ACYP2: variants seen among roughly 807,000 people sequenced by gnomAD.
ACYP2 encodes acylphosphatase 2.
Under a neutral mutation model 11.2 loss-of-function variants are expected in ACYP2, and 12 were observed. The observed-to-expected ratio is 1.08, with a 90% CI of 0.69 to 1.74. The LOEUF (loss-of-function observed/expected upper bound fraction) is 1.74. ACYP2 is among the 40% of genes most tolerant of loss of function. The pLI, the probability that ACYP2 is intolerant of heterozygous loss-of-function variation, is 0.00. For missense variants in ACYP2, 134 were observed against 101.9 expected (o/e 1.31, Z -1.35); for synonymous variants, 43 against 32.2 (o/e 1.33, Z -1.13).
At chr2:54,023,983 A>C (rs1396821061) in intron 2 of ACYP2, among the ~76,000 whole-genome samples, 3 of 152,214 alleles carry the variant, frequency 2.0e-5, no homozygotes, top group Non-Finnish European at 4.4e-5. Context: ...AGGAAAGGAC[A>C]TAACAAAAAA....
At chr2:54,255,953 C>T in intron 6 of ACYP2, 1 of 1,614,166 alleles carries the variant, frequency 6.2e-7, no homozygotes, top group South Asian at 1.1e-5. Flanking sequence ...GTATGGCCAC[C>T]ATCTGCGGGA....
intron 4 of ACYP2, among the ~76,000 whole-genome samples, chr2:54,073,417 A>G (rs887459283): frequency 6.6e-6 from 1 of 152,202 alleles, no homozygotes; most frequent in Non-Finnish European, 1.5e-5. Context: ...CAGAGCTAGA[A>G]GTACAAAACT....
chr2:54,200,187 T>C (rs1028671009), intron 6 of ACYP2, among the ~76,000 whole-genome samples: 2 of 152,212 alleles, frequency 1.3e-5, no homozygotes, highest in Non-Finnish European at 2.9e-5. Context: ...TGTGTGTCCT[T>C]GGGCTAATTA....
intron 4 of ACYP2, among the ~76,000 whole-genome samples, chr2:54,078,684 C>T (rs907894841): frequency 1.3e-5 from 2 of 151,676 alleles, no homozygotes; most frequent in South Asian, 4.2e-4. Context: ...ACTGTAACCT[C>T]CGCCTCCTGG....
chr2:54,088,953 C>G (rs1023512040), intron 4 of ACYP2, among the ~76,000 whole-genome samples: 18 of 152,258 alleles, frequency 1.2e-4, no homozygotes, highest in Admixed American at 7.2e-4. Flanking sequence ...GTTCAACAGA[C>G]AGCTGAAAGA....
rs35918503 is a variant in ACYP2, at chr2:54,097,492, A to G, written c.278-37961A>G. 5.3e-5 allele frequency among the ~76,000 whole-genome samples: 8 copies of G among 152,270 alleles called. 1 individual carries two copies. The highest frequency in any genetic ancestry group is 4.6e-4 in the Admixed American group (7 of 15,292). ...CAGAGGCACCTGGTTACAAAAAATG[A>G]CAATAACAACACAACAACAGTGTAT... On this transcript the variant is annotated intron_variant, in intron 4 of 6. Transcript: ENST00000607452.
intron 6 of ACYP2, among the ~76,000 whole-genome samples, chr2:54,162,743 ATTGT>A (rs943870697): frequency 6.6e-6 from 1 of 152,134 alleles, no homozygotes; most frequent in Admixed American, 6.5e-5. Flanking sequence ...GAGGGGGAAG[ATTGT>A]TTGAGCCCAG....
At chr2:54,011,650 T>C (rs1034063498) in intron 2 of ACYP2, among the ~76,000 whole-genome samples, 4 of 152,354 alleles carry the variant, frequency 2.6e-5, no homozygotes, top group Middle Eastern at 6.8e-3. Context: ...AATAAGCTTT[T>C]CTATTAGAAA....
At chr2:54,146,718 G>C (rs917336253) in intron 6 of ACYP2, among the ~76,000 whole-genome samples, 1 of 150,722 alleles carries the variant, frequency 6.6e-6, no homozygotes, top group Non-Finnish European at 1.5e-5. Flanking sequence ...TCTCATTCTT[G>C]TTGTTGTTTT....
chr2:54,049,430 A>G (rs1414990627), intron 2 of ACYP2, among the ~76,000 whole-genome samples: 1 of 152,128 alleles, frequency 6.6e-6, no homozygotes, highest in African/African-American at 2.4e-5. Flanking sequence ...CCACATGTAA[A>G]TATGCTGTTT....
chr2:54,035,008 T>TCAAAAAAAAAAAAAA (rs1674803288), intron 2 of ACYP2, among the ~76,000 whole-genome samples: 1 of 20,888 alleles, frequency 4.8e-5, no homozygotes, highest in Non-Finnish European at 8.6e-5. Context: ...AGACTACATC[T>TCAAAAAAAAAAAAAA]CAAAAAAAAA....
chr2:54,132,042 A>G (rs933930292), intron 4 of ACYP2, among the ~76,000 whole-genome samples: 6 of 152,176 alleles, frequency 3.9e-5, no homozygotes, highest in Admixed American at 3.9e-4. Flanking sequence ...CATAACGCTA[A>G]TATTCTGGCC....
intron 6 of ACYP2, chr2:54,255,235 T>C (rs1474159457): frequency 1.9e-6 from 3 of 1,614,084 alleles, no homozygotes; most frequent in Non-Finnish European, 2.5e-6. Flanking sequence ...AATCAGCTTG[T>C]TTCTGAAGTA....
chr2:54,080,454 C>G (rs1677584651), intron 4 of ACYP2: 1 of 152,086 alleles, frequency 6.6e-6, no homozygotes, highest in Admixed American at 6.6e-5. Flanking sequence ...TAGAAAGAAT[C>G]CAATGTTGCA....
chr2:54,158,512 G>A (rs1350985686), intron 6 of ACYP2, among the ~76,000 whole-genome samples: 1 of 151,918 alleles, frequency 6.6e-6, no homozygotes, highest in African/African-American at 2.4e-5. Context: ...AGCACGGTCT[G>A]CTTTTGATTA....
rs561868171 is a variant in ACYP2, at chr2:54,158,860, A to G, written c.404+20112A>G. On this transcript the variant is annotated intron_variant, in intron 6 of 6. Transcript: ENST00000607452. ...AAATATTAAGAAATGGAAATTAAATAAAATCACCCATAAACCTACCGTTTG... is the reference window on the plus strand; with the variant it reads ...AAATATTAAGAAATGGAAATTAAATGAAATCACCCATAAACCTACCGTTTG... 1.8e-4 allele frequency among the ~76,000 whole-genome samples: 27 copies of G among 152,336 alleles called. No homozygotes were observed. The South Asian group carries it at 5.6e-3, about 32-fold the overall frequency.
At chr2:54,033,065 G>A (rs965004569) in intron 2 of ACYP2, among the ~76,000 whole-genome samples, 3 of 152,138 alleles carry the variant, frequency 2.0e-5, no homozygotes, top group African/African-American at 7.2e-5. Context: ...AAAGCCCAAG[G>A]CAAACTAATC....
chr2:54,099,870 C>T (rs1294010047), intron 4 of ACYP2, among the ~76,000 whole-genome samples: 1 of 152,186 alleles, frequency 6.6e-6, no homozygotes, highest in African/African-American at 2.4e-5. Flanking sequence ...AACCTACATA[C>T]AGTTTTCCAT....
At chr2:54,199,881 C>T (rs1408940176) in intron 6 of ACYP2, among the ~76,000 whole-genome samples, 1 of 152,188 alleles carries the variant, frequency 6.6e-6, no homozygotes, top group Non-Finnish European at 1.5e-5. Flanking sequence ...GTGATCGTTG[C>T]AATGGTTCTG....
Sources: gnomAD v4.1 joint callset for allele counts (sites outside exome capture counted in the v4.1 genomes callset) on GRCh38, gnomAD v4.1.1 for gene constraint, MANE v1.5 for transcripts, NCBI Gene and HGNC (gene_info 2026-07-23, HGNC 2026-07-21) for gene names.